The following NELL1 variants were observed in gnomAD, a reference collection of about 807,000 sequenced individuals.
NELL1 encodes the protein protein kinase C-binding protein NELL1.
In NELL1, 76 loss-of-function variants were observed where a neutral mutation model predicts 107.4. The ratio of observed to expected loss-of-function variants is 0.71; its 90% CI spans 0.59 to 0.86. The LOEUF is 0.86. Among genes scored for constraint, NELL1 ranks in the 40% least tolerant of loss-of-function variants. The pLI is 0.00. For missense variants in NELL1, 1,024 were observed against 1,005.5 expected, an observed-to-expected ratio of 1.02 and a Z score of -0.25; for synonymous variants, 353 against 341.2, an observed-to-expected ratio of 1.03 and a Z score of -0.38.
chr11:21,203,876 T>C (rs1464754932), intron 13 of NELL1, among the ~76,000 whole-genome samples: 2 of 152,188 alleles, frequency 1.3e-5, no homozygotes, highest in Non-Finnish European at 2.9e-5. Context: ...TGAAGCTTAG[T>C]TTGGCTGGAG....
rs555373135 is a variant in NELL1, at chr11:21,252,785, G to A, written c.1549+23331G>A. On this transcript the variant is annotated intron_variant, in intron 14 of 19. Transcript: ENST00000357134. ...GAAAACACTCAGGATAAGTAAGAAGGTCATTAAGAATAACACAAAAGTCTC... is the reference window on the plus strand; with the variant it reads ...GAAAACACTCAGGATAAGTAAGAAGATCATTAAGAATAACACAAAAGTCTC... Among the ~76,000 whole-genome samples, 7 of 152,230 alleles carry A rather than the reference G, an allele frequency of 4.6e-5. No homozygotes were observed. In the South Asian group the frequency reaches 1.4e-3, roughly 32 times the overall value.
chr11:20,975,582 A>C (rs1413567914), intron 12 of NELL1, among the ~76,000 whole-genome samples: 1 of 143,262 alleles, frequency 7.0e-6, no homozygotes, highest in African/African-American at 2.5e-5. Context: ...TATTATATAC[A>C]CATATGTAGA....
At chr11:20,988,216 A>G (rs986970744) in intron 12 of NELL1, among the ~76,000 whole-genome samples, 1 of 152,130 alleles carries the variant, frequency 6.6e-6, no homozygotes, top group Admixed American at 6.6e-5. Context: ...TGTACTTCAT[A>G]TACTAAGAGC....
intron 12 of NELL1, among the ~76,000 whole-genome samples, chr11:21,049,212 A>C (rs1299577628): frequency 1.3e-5 from 2 of 152,190 alleles, no homozygotes; most frequent in African/African-American, 2.4e-5. Context: ...GCTCTTCTCC[A>C]CTAAGGGAAA....
intron 1 of NELL1, chr11:20,670,805 T>C (rs897899748): frequency 2.3e-5 from 3 of 128,750 alleles, no homozygotes; most frequent in Non-Finnish European, 5.5e-5. Flanking sequence ...CCAGAATCTG[T>C]GTGGTCATTC....
At chr11:20,984,799 T>C (rs1241959560) in intron 12 of NELL1, among the ~76,000 whole-genome samples, 4 of 152,046 alleles carry the variant, frequency 2.6e-5, no homozygotes, top group East Asian at 1.9e-4. Context: ...AAGGGAGTAA[T>C]TGGCTTATTT....
intron 12 of NELL1, among the ~76,000 whole-genome samples, chr11:21,022,737 A>G (rs1852729811): frequency 6.6e-6 from 1 of 152,124 alleles, no homozygotes; most frequent in African/African-American, 2.4e-5. Context: ...CATGCCTCCT[A>G]TATTTCTATC....
At position 21,163,466 on chromosome 11, in the gene NELL1, A is replaced by G. The variant is rs61880833; in HGVS notation, c.1426+49752A>G. Among the ~76,000 whole-genome samples the G allele has an allele frequency of 6.0e-3, 918 of 152,280 alleles. 9 individuals are homozygous for G. The highest frequency in any genetic ancestry group is 9.9e-3 in the Non-Finnish European group (671 of 68,024). ...TTTGGCAGCTACGCTTTTGGTGGCT[A>G]TAGTGGGTGGAATTGTGTTACCCTA... On this transcript the variant is annotated intron_variant, in intron 13 of 19. Transcript: ENST00000357134.
intron 1 of NELL1, chr11:20,671,323 C>T (rs1333473056): frequency 6.6e-6 from 1 of 152,200 alleles, no homozygotes; most frequent in African/African-American, 2.4e-5. Flanking sequence ...GCTCTGAGCG[C>T]GAGAGTCTGG....
intron 13 of NELL1, among the ~76,000 whole-genome samples, chr11:21,116,868 A>T (rs1565068458): frequency 1.3e-5 from 2 of 151,936 alleles, no homozygotes; most frequent in Non-Finnish European, 1.5e-5. Flanking sequence ...AGACAGAGCA[A>T]TTTTTTTAAA....
intron 12 of NELL1, among the ~76,000 whole-genome samples, chr11:20,971,092 A>G (rs1851491310): frequency 6.6e-6 from 1 of 152,032 alleles, no homozygotes; most frequent in Admixed American, 6.6e-5. Flanking sequence ...CCCTCTGATA[A>G]CTCAGATACC....
intron 15 of NELL1, among the ~76,000 whole-genome samples, chr11:21,412,234 A>AT (rs1461423057): frequency 3.3e-5 from 5 of 152,020 alleles, no homozygotes; most frequent in Admixed American, 6.6e-5. Flanking sequence ...TGTTAGAGAT[A>AT]TTTTTTCCTG....
intron 14 of NELL1, among the ~76,000 whole-genome samples, chr11:21,277,490 G>A (rs1287458603): frequency 6.6e-6 from 1 of 151,774 alleles, no homozygotes; most frequent in East Asian, 1.9e-4. Flanking sequence ...AGTCAGTGTG[G>A]CGATTCCTCA....
At chr11:21,224,330 C>T (rs1415536879) in intron 13 of NELL1, among the ~76,000 whole-genome samples, 2 of 151,996 alleles carry the variant, frequency 1.3e-5, no homozygotes, top group African/African-American at 4.8e-5. Context: ...GCAACCTTGA[C>T]CTCCTGGGCT....
intron 5 of NELL1, among the ~76,000 whole-genome samples, chr11:20,904,273 A>G (rs1849943985): frequency 1.3e-5 from 2 of 152,058 alleles, no homozygotes; most frequent in Non-Finnish European, 1.5e-5. Flanking sequence ...CAAAATAGCT[A>G]CAAGAGAAGA....
intron 5 of NELL1, among the ~76,000 whole-genome samples, chr11:20,896,934 C>T (rs1411419340): frequency 2.0e-5 from 3 of 152,030 alleles, no homozygotes; most frequent in Non-Finnish European, 4.4e-5. Flanking sequence ...AATGGAAGAA[C>T]ATTCCATGCT....
At chr11:21,068,768 G>A (rs1028528090) in intron 12 of NELL1, among the ~76,000 whole-genome samples, 2 of 152,114 alleles carry the variant, frequency 1.3e-5, no homozygotes, top group Non-Finnish European at 2.9e-5. Flanking sequence ...GAGGTGCATT[G>A]AATAAATACT....
At chr11:21,561,332 G>C (rs1168269328) in intron 17 of NELL1, among the ~76,000 whole-genome samples, 1 of 151,976 alleles carries the variant, frequency 6.6e-6, no homozygotes, top group African/African-American at 2.4e-5. Flanking sequence ...ACCTAGTTAG[G>C]AGGGCCACAT....
At chr11:21,479,844 T>C (rs1854446463) in intron 15 of NELL1, among the ~76,000 whole-genome samples, 1 of 152,118 alleles carries the variant, frequency 6.6e-6, no homozygotes, top group African/African-American at 2.4e-5. Flanking sequence ...ATTAAAACTT[T>C]ACAAAGTGAT....
Sources: allele counts gnomAD v4.1 joint callset (sites outside exome capture counted in the v4.1 genomes callset), GRCh38; gene constraint gnomAD v4.1.1; transcripts MANE v1.5; gene names NCBI Gene and HGNC (gene_info 2026-07-23, HGNC 2026-07-21).